The following DAPP1 variants were observed in gnomAD, a reference collection of about 807,000 sequenced individuals.
DAPP1 encodes dual adaptor of phosphotyrosine and 3-phosphoinositides 1.
In DAPP1, 20 loss-of-function variants were observed where a neutral mutation model predicts 41.5. The observed-to-expected ratio is 0.48, with a 90% CI of 0.34 to 0.70. The LOEUF (loss-of-function observed/expected upper bound fraction) is 0.70. Among genes scored for constraint, DAPP1 ranks in the 30% least tolerant of loss-of-function variants. The pLI is 0.01. For synonymous variants in DAPP1, 113 were observed against 116.2 expected, an observed-to-expected ratio of 0.97 and a Z score of 0.18; for missense variants, 233 against 333.4, an observed-to-expected ratio of 0.70 and a Z score of 2.35.
At chr4:99,844,796 A>T (rs1199610521) in intron 3 of DAPP1, 1 of 152,096 alleles carries the variant, frequency 6.6e-6, no homozygotes, top group African/African-American at 2.4e-5. Flanking sequence ...TTTTGTTTTG[A>T]TATGGGGATT....
intron 1 of DAPP1, among the ~76,000 whole-genome samples, chr4:99,830,852 T>C (rs1403965299): frequency 6.6e-6 from 1 of 152,172 alleles, no homozygotes; most frequent in Non-Finnish European, 1.5e-5. Flanking sequence ...TAAGCAGTAG[T>C]TGAATAAATG....
At chr4:99,870,504 C>A (rs2110173893), downstream of DAPP1, among the ~76,000 whole-genome samples, 1 of 152,206 alleles carries the variant, frequency 6.6e-6, no homozygotes, top group East Asian at 1.9e-4. Context: ...TAACATGTAC[C>A]TGCTATGTAA....
At chr4:99,822,112 G>T (rs1463893482) in intron 1 of DAPP1, among the ~76,000 whole-genome samples, 1 of 152,178 alleles carries the variant, frequency 6.6e-6, no homozygotes, top group Non-Finnish European at 1.5e-5. Flanking sequence ...CTAGTGTACA[G>T]TTCCATCTCT....
In DAPP1 at chr4:99,816,870, G is replaced by A. The variant is rs769835234; in HGVS notation, c.-44G>A. ...CTCACAGAGCGAGAAGGTGTCAGGA[G>A]CAGCCCAGTTGTGTCTCTCTCTCTA... On this transcript the variant is annotated 5_prime_UTR_variant, in exon 1 of 9. Coordinates refer to ENST00000512369, the MANE Select transcript of DAPP1 (RefSeq NM_014395.3). The A allele has an allele frequency of 2.0e-6, 3 of 1,528,710 alleles. No individual in the cohort carries two copies. The highest frequency in any genetic ancestry group is 2.7e-6 in the Non-Finnish European group (3 of 1,123,802). 94.7% of individuals were successfully genotyped at this position (1,528,710 alleles called of 1,614,324 possible). A position where few individuals can be genotyped will look rare whatever the true frequency, so the allele number is the denominator to read the frequency against.
chr4:99,835,977 C>A (rs904430814), intron 2 of DAPP1, among the ~76,000 whole-genome samples: 1 of 152,134 alleles, frequency 6.6e-6, no homozygotes, highest in Non-Finnish European at 1.5e-5. Flanking sequence ...TGATGGAAAC[C>A]TTTCATGGGA....
At chr4:99,853,971 T>G (rs1723957950) in intron 4 of DAPP1, among the ~76,000 whole-genome samples, 1 of 152,250 alleles carries the variant, frequency 6.6e-6, no homozygotes, top group Admixed American at 6.5e-5. Context: ...TGTTTTCTCC[T>G]ACAATTTTCT....
chr4:99,853,216 A>T lies in DAPP1; in HGVS notation c.359-2A>T, dbSNP rs781588588. 6.2e-7 allele frequency: 1 copy of T among 1,613,822 alleles called. No homozygotes were observed. The highest frequency in any genetic ancestry group is 2.2e-5 in the East Asian group (1 of 44,880). On this transcript the variant is annotated splice_acceptor_variant, in intron 3 of 8. Coordinates refer to ENST00000512369, the MANE Select transcript of DAPP1 (RefSeq NM_014395.3). LOFTEE classifies it high-confidence loss of function. ...GATTATATATTTTTCATCTTCATTC[A>T]GGCACTCTGATGGTTCTAAAACATC... is the stretch of plus-strand genomic sequence containing the variant.
chr4:99,852,990 C>T lies in DAPP1; in HGVS notation c.359-228C>T, dbSNP rs528754290. On this transcript the variant is annotated intron_variant, in intron 3 of 8. Coordinates refer to ENST00000512369, the MANE Select transcript of DAPP1 (RefSeq NM_014395.3). Reference sequence around the variant, plus strand: ...TCATTTAAACGACCATATCTGTTACCAGTTCTGAGCACCAGGAGGCCAAGG... The same window carrying T: ...TCATTTAAACGACCATATCTGTTACTAGTTCTGAGCACCAGGAGGCCAAGG... Among the ~76,000 whole-genome samples the T allele has an allele frequency of 8.5e-5, 13 of 152,286 alleles. No homozygotes were observed. The South Asian group carries it at 2.7e-3, about 32-fold the overall frequency.
chr4:99,839,275 T>C (rs1206510527), intron 2 of DAPP1, among the ~76,000 whole-genome samples: 1 of 151,836 alleles, frequency 6.6e-6, no homozygotes, highest in Non-Finnish European at 1.5e-5. Context: ...CATGGTAGCA[T>C]GGGCTGCACT....
chr4:99,833,968 A>C (rs1257607368), intron 1 of DAPP1, among the ~76,000 whole-genome samples: 1 of 152,180 alleles, frequency 6.6e-6, no homozygotes, highest in Non-Finnish European at 1.5e-5. Context: ...TATTAGTCAT[A>C]CTATTTTAAA....
At chr4:99,855,346 C>A (rs1311398394) in intron 4 of DAPP1, among the ~76,000 whole-genome samples, 2 of 152,164 alleles carry the variant, frequency 1.3e-5, no homozygotes, top group South Asian at 4.1e-4. Flanking sequence ...TCCTATTAAG[C>A]GTGTTCTTTA....
intron 3 of DAPP1, among the ~76,000 whole-genome samples, chr4:99,844,956 C>A (rs376056666): frequency 6.6e-6 from 1 of 152,162 alleles, no homozygotes; most frequent in South Asian, 2.1e-4. Context: ...AGAATTTTTC[C>A]AAACTTCCTT....
intron 1 of DAPP1, among the ~76,000 whole-genome samples, 160 bp downstream of exon 1, chr4:99,817,174 A>T (rs780037173): frequency 6.6e-6 from 1 of 152,208 alleles, no homozygotes; most frequent in African/African-American, 2.4e-5. Context: ...TCTGTTAAGT[A>T]TCTTCTTGTC....
chr4:99,848,341 C>T (rs1371833269), intron 3 of DAPP1, among the ~76,000 whole-genome samples: 1 of 151,432 alleles, frequency 6.6e-6, no homozygotes, highest in Non-Finnish European at 1.5e-5. Context: ...GATTCTCCTG[C>T]TTCAGCCTCC....
chr4:99,820,131 G>T (rs1263630790), intron 1 of DAPP1, among the ~76,000 whole-genome samples: 1 of 152,132 alleles, frequency 6.6e-6, no homozygotes, highest in African/African-American at 2.4e-5. Context: ...TGGGCTTAGG[G>T]GGAAGAGAGG....
intron 4 of DAPP1, among the ~76,000 whole-genome samples, chr4:99,853,837 C>A (rs1180458075): frequency 1.3e-5 from 2 of 152,090 alleles, no homozygotes; most frequent in African/African-American, 4.8e-5. Context: ...CAAATGAAAG[C>A]AATGCAATAG....
At chr4:99,853,823 C>T (rs1329312985) in intron 4 of DAPP1, among the ~76,000 whole-genome samples, 3 of 151,926 alleles carry the variant, frequency 2.0e-5, no homozygotes, top group South Asian at 4.1e-4. Context: ...TGTCTCAAAA[C>T]GAACAAATGA....
At position 99,868,346 on chromosome 4, in the gene DAPP1, T is replaced by G. The variant is rs1724535567; in HGVS notation, c.*161T>G. On this transcript the variant is annotated 3_prime_UTR_variant, in exon 9 of 9. Transcript: ENST00000512369. ...GGGACCCATATACCACGTTGCTGAC[T>G]CACGTTGCTGCCCTTCCATGATGTT... 2 of 637,698 alleles carry G rather than the reference T, an allele frequency of 3.1e-6. No homozygotes were observed. Among genetic ancestry groups the G allele is most frequent in the Non-Finnish European group, 5.5e-6 (2 of 362,736 alleles). 39.5% of individuals were successfully genotyped at this position (637,698 alleles called of 1,614,324 possible). A position where few individuals can be genotyped will look rare whatever the true frequency, so the allele number is the denominator to read the frequency against.
At chr4:99,834,212 G>A (rs760759964) in intron 1 of DAPP1, among the ~76,000 whole-genome samples, 3 of 152,154 alleles carry the variant, frequency 2.0e-5, no homozygotes, top group Admixed American at 6.5e-5. Flanking sequence ...AATAATGCTC[G>A]TATGTTTGTA....
Sources: gnomAD v4.1 joint callset for allele counts (sites outside exome capture counted in the v4.1 genomes callset) on GRCh38, gnomAD v4.1.1 for gene constraint, MANE v1.5 for transcripts, NCBI Gene and HGNC (gene_info 2026-07-23, HGNC 2026-07-21) for gene names.